Variants in VPS13A observed in about 807,000 individuals in gnomAD.
VPS13A encodes intermembrane lipid transfer protein VPS13A.
VPS13A carries 264 observed loss-of-function variants against 390.9 expected under a neutral mutation model. The observed-to-expected ratio is 0.68, with a 90% CI of 0.61 to 0.75. VPS13A has a LOEUF of 0.75. Ranked by LOEUF, VPS13A falls within the 30% of genes least tolerant of loss-of-function variation. The pLI, the probability that VPS13A is intolerant of heterozygous loss-of-function variation, is 0.00. For synonymous variants in VPS13A, 1,231 were observed against 1,227.1 expected (o/e 1.00, Z -0.07); for missense variants, 3,409 against 3,733.9 (o/e 0.91, Z 2.27).
intron 10 of VPS13A, among the ~76,000 whole-genome samples, chr9:77,216,295 A>G (rs1188521039): frequency 2.0e-5 from 3 of 152,204 alleles, no homozygotes; most frequent in African/African-American, 7.2e-5. Context: ...AAAATTGATA[A>G]CTGGCATACC....
At chr9:77,307,900 A>G (rs1462560028) in intron 34 of VPS13A, 45 bp from the exon 35 acceptor site, 25 of 1,481,506 alleles carry the variant, frequency 1.7e-5, no homozygotes, top group African/African-American at 5.6e-5. Flanking sequence ...AAATTCTGCA[A>G]TGAAGTAGCA....
Position 77,221,185 on chromosome 9 carries a change from G to A in VPS13A, c.990G>A (p.Trp330Ter). ...DVPLHHHARE[W>*]WAYAIHGVLE... ...TAAATGTTTTTCTTTTTTTAACTAG[G>A]TGGGCTTATGCTATACATGGCGTTC... Residue 330 changes from tryptophan to a stop codon, truncating the protein, a stop_gained and splice_region_variant, in exon 13 of 72, where the codon TGG (tryptophan) becomes TGA (stop). Transcript: ENST00000360280. LOFTEE classifies it high-confidence loss of function. The A allele has an allele frequency of 6.2e-7, 1 of 1,613,064 alleles. No homozygotes were observed. Among genetic ancestry groups the A allele is most frequent in the Non-Finnish European group, 8.5e-7 (1 of 1,179,376 alleles).
chr9:77,234,178 A>T (rs1823999000), intron 17 of VPS13A, among the ~76,000 whole-genome samples: 2 of 152,092 alleles, frequency 1.3e-5, no homozygotes, highest in African/African-American at 4.8e-5. Context: ...AAGTTAATTA[A>T]TTAATTATTA....
At position 77,339,511 on chromosome 9, in the gene VPS13A, TAC is replaced by T; in HGVS notation, c.6379-3_6379-2del. 1 of 1,534,014 alleles carries T rather than the reference TAC, an allele frequency of 6.5e-7. No homozygotes were observed. Among genetic ancestry groups the T allele is most frequent in the Admixed American group, 2.1e-5 (1 of 48,474 alleles). The stretch of plus-strand genomic sequence containing the variant: ...TTTGTTTTGTTTTTTTTTTTTTTAT[TAC>T]AGGGAATTGAAAATTCGGTTTTTAC... On this transcript the variant is annotated splice_region_variant and splice_polypyrimidine_tract_variant and intron_variant, in intron 47 of 71. Coordinates refer to ENST00000360280, the MANE Select transcript of VPS13A (RefSeq NM_033305.3).
chr9:77,309,229 AATTAGAAG>A (rs1193098607), intron 35 of VPS13A, among the ~76,000 whole-genome samples: 1 of 152,224 alleles, frequency 6.6e-6, no homozygotes, highest in East Asian at 1.9e-4. Flanking sequence ...CTGAACATGT[AATTAGAAG>A]TATTGAGTTG....
intron 23 of VPS13A, among the ~76,000 whole-genome samples, chr9:77,263,682 C>T (rs969362253): frequency 3.3e-5 from 5 of 151,990 alleles, no homozygotes; most frequent in African/African-American, 1.2e-4. Flanking sequence ...AAATTTTCTC[C>T]CATTCTTTAG....
At chr9:77,208,476 G>A (rs1029152221) in intron 5 of VPS13A, among the ~76,000 whole-genome samples, 3 of 151,906 alleles carry the variant, frequency 2.0e-5, no homozygotes, top group Non-Finnish European at 4.4e-5. Flanking sequence ...GGGAGAAAAA[G>A]GATAATAACT....
chr9:77,254,567 A>C, intron 22 of VPS13A, among the ~76,000 whole-genome samples: 1 of 152,190 alleles, frequency 6.6e-6, no homozygotes, highest in East Asian at 1.9e-4. Context: ...CTTGTAAAAA[A>C]TGTTATAGAG....
intron 23 of VPS13A, among the ~76,000 whole-genome samples, chr9:77,264,508 C>G: frequency 6.6e-6 from 1 of 152,164 alleles, no homozygotes; most frequent in East Asian, 1.9e-4. Context: ...AGAGGTCCTT[C>G]ACATCCCTTG....
At chr9:77,304,523 A>G (rs959295996) in intron 34 of VPS13A, among the ~76,000 whole-genome samples, 1 of 152,220 alleles carries the variant, frequency 6.6e-6, no homozygotes, top group Non-Finnish European at 1.5e-5. Flanking sequence ...TATTGGAAAG[A>G]TCTAGGTTAG....
chr9:77,332,131 T>C lies in VPS13A; in HGVS notation c.6095+18T>C, dbSNP rs576466495. On this transcript the variant is annotated intron_variant, in intron 46 of 71. Coordinates refer to ENST00000360280, the MANE Select transcript of VPS13A (RefSeq NM_033305.3). ...TCTTACCGGTATTTTGTCTTTATCA[T>C]TTTATTTACTCTAAAATCTCTTGTA... 23 of 1,568,178 alleles carry C rather than the reference T, an allele frequency of 1.5e-5. No homozygotes were observed. The highest frequency in any genetic ancestry group is 1.8e-5 in the Non-Finnish European group (21 of 1,138,958).
At chr9:77,342,400 AT>A (rs35618394) in intron 50 of VPS13A, among the ~76,000 whole-genome samples, 2,270 of 147,944 alleles carry the variant, frequency 0.015, 48 homozygotes, top group African/African-American at 0.05. Context: ...CTTAACTGTC[AT>A]TTTTTTTTTT....
chr9:77,414,739 T>TTAATAATAATAA (rs148536381), intron 71 of VPS13A, among the ~76,000 whole-genome samples: 8,759 of 145,592 alleles, frequency 0.06, 300 homozygotes, highest in South Asian at 0.084. Context: ...TGAAGTATAA[T>TTAATAATAATAA]TAATAATAAT....
chr9:77,360,728 T>G (rs963017079), intron 59 of VPS13A, 87 bp downstream of exon 59: 27 of 1,029,018 alleles, frequency 2.6e-5, no homozygotes, highest in Non-Finnish European at 3.8e-5. Context: ...ATGACTTTGT[T>G]GCATTTTAAA....
intron 45 of VPS13A, among the ~76,000 whole-genome samples, chr9:77,323,592 A>C (rs1025061534): frequency 2.6e-5 from 4 of 152,178 alleles, no homozygotes; most frequent in Middle Eastern, 3.2e-3. Flanking sequence ...AGGTATGTAC[A>C]ATAAACTGCA....
At chr9:77,249,561 T>C (rs1436704640) in intron 20 of VPS13A, among the ~76,000 whole-genome samples, 1 of 152,242 alleles carries the variant, frequency 6.6e-6, no homozygotes, top group East Asian at 1.9e-4. Context: ...TTATGTACTA[T>C]TGTGGAGTCA....
chr9:77,348,500 C>T (rs1157452017), intron 52 of VPS13A, among the ~76,000 whole-genome samples: 1 of 152,018 alleles, frequency 6.6e-6, no homozygotes, highest in Non-Finnish European at 1.5e-5. Context: ...GGATAAATAG[C>T]TAATGCATGT....
chr9:77,303,194 T>C lies in VPS13A; in HGVS notation c.3960+132T>C. 4.3e-6 allele frequency: 4 copies of C among 922,418 alleles called. No individual in the cohort carries two copies. In the Admixed American group the frequency reaches 6.8e-5, roughly 16 times the overall value. 57.1% of individuals were successfully genotyped at this position (922,418 alleles called of 1,614,324 possible). On this transcript the variant is annotated intron_variant, in intron 34 of 71. Coordinates refer to ENST00000360280, the MANE Select transcript of VPS13A (RefSeq NM_033305.3). ...GGTCAGAATTGAAATAGTGATTATA[T>C]TAAACTAGAATTCATTTTAAAATGG...
In VPS13A at chr9:77,195,375, C is replaced by T. The variant is rs545505765; in HGVS notation, c.101-4570C>T. 1.2e-3 allele frequency among the ~76,000 whole-genome samples: 187 copies of T among 152,284 alleles called. 1 individual carries two copies. The highest frequency in any genetic ancestry group is 3.4e-3 in the Middle Eastern group (1 of 294). ...TCCTGACCTCGTGATCTGCCTGCTT[C>T]GGCCTCCCAAAGTGCTGGGATTACA... On this transcript the variant is annotated intron_variant, in intron 1 of 71. Coordinates refer to ENST00000360280, the MANE Select transcript of VPS13A (RefSeq NM_033305.3).
Sources: gnomAD v4.1 joint callset for allele counts (sites outside exome capture counted in the v4.1 genomes callset) on GRCh38, gnomAD v4.1.1 for gene constraint, MANE v1.5 for transcripts, NCBI Gene and HGNC (gene_info 2026-07-23, HGNC 2026-07-21) for gene names.